The following MED13L variants were observed in gnomAD, a reference collection of about 807,000 sequenced individuals.
The protein encoded by MED13L is mediator of RNA polymerase II transcription subunit 13-like.
In MED13L, 7 loss-of-function variants were observed where a neutral mutation model predicts 220.9. The ratio of observed to expected loss-of-function variants is 0.03; its 90% CI spans 0.02 to 0.06. MED13L has a LOEUF of 0.06. Among genes scored for constraint, MED13L ranks in the 10% least tolerant of loss-of-function variants. MED13L has a pLI of 1.00. For synonymous variants in MED13L, 1,011 were observed against 1,015.2 expected (o/e 1.00, Z 0.08); for missense variants, 1,965 against 2,760.5 (o/e 0.71, Z 6.46).
intron 2 of MED13L, among the ~76,000 whole-genome samples, chr12:116,125,902 A>T (rs924642345): frequency 1.3e-5 from 2 of 152,204 alleles, no homozygotes; most frequent in African/African-American, 4.8e-5. Flanking sequence ...TTTCTGTTAC[A>T]ATTATCTGGC....
chr12:115,991,639 T>C lies in MED13L; in HGVS notation c.3315A>G (p.Glu1105=). The change falls in exon 17 of 31, where the codon GAA becomes GAG. Residue 1105 remains glutamate (E), a synonymous_variant. Transcript: ENST00000281928. The surrounding 1 kb of genome is among the most constrained non-coding windows in gnomAD (Gnocchi z 7.7). ...VEPATMQPIP[E]AHSLYVTLIL... ...TCAGGGTAACATAGAGGCTGTGGGC[T>C]TCGGGAATTGGCTGCATGGTGGCGG... 1.9e-6 allele frequency: 3 copies of C among 1,614,022 alleles called. No homozygotes were observed. The highest frequency in any genetic ancestry group is 1.3e-5 in the African/African-American group (1 of 74,970).
rs568260254 is a variant in MED13L, at chr12:116,174,288, A to G, written c.311-62776T>C. Among the ~76,000 whole-genome samples, 7 of 152,328 alleles carry G rather than the reference A, an allele frequency of 4.6e-5. No individual in the cohort carries two copies. In the South Asian group the frequency reaches 1.4e-3, roughly 32 times the overall value. ...AAGATGCAAGGTTTCTTTTGGATAG[A>G]TAAAATGAACAAATTAAAAGAAATT... On this transcript the variant is annotated intron_variant, in intron 2 of 30. Transcript: ENST00000281928.
intron 4 of MED13L, among the ~76,000 whole-genome samples, chr12:116,086,376 C>T (rs543385116): frequency 5.8e-4 from 88 of 151,732 alleles, no homozygotes; most frequent in African/African-American, 1.8e-3. Context: ...CTCCGCCTCC[C>T]GGGTTCAAGC....
intron 2 of MED13L, among the ~76,000 whole-genome samples, chr12:116,170,821 G>A (rs1000586471): frequency 2.0e-5 from 3 of 151,890 alleles, no homozygotes; most frequent in Admixed American, 6.6e-5. Flanking sequence ...GGATGGTCTC[G>A]AACTCCTGAC....
intron 1 of MED13L, among the ~76,000 whole-genome samples, chr12:116,250,609 CAA>C (rs560814737): frequency 1.9e-4 from 13 of 70,248 alleles, no homozygotes; most frequent in Admixed American, 4.1e-4. Context: ...ACTAAAAATA[CAA>C]AAAAAAAAAA....
chr12:116,237,426 A>T, intron 2 of MED13L, 42 bp downstream of exon 2: 1 of 1,457,002 alleles, frequency 6.9e-7, no homozygotes, highest in South Asian at 1.1e-5. Context: ...GTTCAAAAAA[A>T]TATGATGCAA....
intron 4 of MED13L, among the ~76,000 whole-genome samples, chr12:116,038,463 G>T (rs1240755270): frequency 6.6e-6 from 1 of 151,928 alleles, no homozygotes; most frequent in Non-Finnish European, 1.5e-5. Context: ...GTGTCTCATT[G>T]TACACCTTAA....
At chr12:116,203,534 G>C (rs1218355273) in intron 2 of MED13L, among the ~76,000 whole-genome samples, 3 of 152,050 alleles carry the variant, frequency 2.0e-5, no homozygotes, top group African/African-American at 7.2e-5. Context: ...AAAGACAAGA[G>C]TGAGGCTGGG....
At chr12:116,052,641 G>A (rs1868608857) in intron 4 of MED13L, among the ~76,000 whole-genome samples, 1 of 152,178 alleles carries the variant, frequency 6.6e-6, no homozygotes, top group African/African-American at 2.4e-5. Context: ...CACTAATCAT[G>A]TGTTAAGATT....
chr12:116,155,412 G>C (rs974839985), intron 2 of MED13L, among the ~76,000 whole-genome samples: 1 of 152,140 alleles, frequency 6.6e-6, no homozygotes, highest in Non-Finnish European at 1.5e-5. Context: ...GACAGAGCAA[G>C]ACTCTGTCTC....
At chr12:116,198,630 T>C (rs1446278082) in intron 2 of MED13L, among the ~76,000 whole-genome samples, 2 of 152,226 alleles carry the variant, frequency 1.3e-5, no homozygotes, top group Admixed American at 6.5e-5. Context: ...TATCAGTTAA[T>C]GTTGCCATAA....
chr12:115,966,294 A>C lies in MED13L; in HGVS notation c.6226-51T>G, dbSNP rs1456607842. The C allele has an allele frequency of 3.1e-6, 5 of 1,606,714 alleles. No homozygotes were observed. In the African/African-American group the frequency reaches 6.7e-5, roughly 21 times the overall value. ...TGATCAGCATTTATCTTAAAGCTTG[A>C]AAAATGAACTTTCATCAGTTCACTC... On this transcript the variant is annotated intron_variant, in intron 28 of 30. Coordinates refer to ENST00000281928, the MANE Select transcript of MED13L (RefSeq NM_015335.5).
At chr12:116,004,579 A>G (rs896706532) in intron 13 of MED13L, among the ~76,000 whole-genome samples, 2 of 152,064 alleles carry the variant, frequency 1.3e-5, no homozygotes, top group African/African-American at 4.8e-5. Flanking sequence ...TCCTAGACCT[A>G]TCAGTCTCTA....
intron 2 of MED13L, among the ~76,000 whole-genome samples, chr12:116,155,542 C>T (rs17498550): frequency 0.25 from 37,490 of 152,002 alleles, 4,753 homozygotes; most frequent in South Asian, 0.33. Flanking sequence ...CACAGTTCGG[C>T]CACACAATAG....
At chr12:116,000,318 G>C (rs1019036665) in intron 14 of MED13L, among the ~76,000 whole-genome samples, 1 of 152,126 alleles carries the variant, frequency 6.6e-6, no homozygotes, top group Non-Finnish European at 1.5e-5. Context: ...CCCAGAAAAC[G>C]GCTAAAGCAA....
intron 2 of MED13L, among the ~76,000 whole-genome samples, chr12:116,114,060 T>G (rs2137913562): frequency 6.6e-6 from 1 of 152,294 alleles, no homozygotes; most frequent in Admixed American, 6.5e-5. Context: ...CAGCAAGGTC[T>G]GCCAATTCTC....
intron 2 of MED13L, among the ~76,000 whole-genome samples, chr12:116,213,913 C>T (rs1308258325): frequency 1.3e-5 from 2 of 152,086 alleles, no homozygotes; most frequent in African/African-American, 4.8e-5. Flanking sequence ...CTCATCAGCC[C>T]AGAATTTAAA....
rs1291281026 is a variant in MED13L, at chr12:115,961,310, C to T, written c.6589G>A (p.Val2197Met). 1.2e-6 allele frequency: 2 copies of T among 1,614,148 alleles called. No homozygotes were observed. The highest frequency in any genetic ancestry group is 1.7e-6 in the Non-Finnish European group (2 of 1,180,020). ...GCATTGTACAACTGAGTGAGCACCA[C>T]AAAGTGGACGGGAAGGCAGGAAGTA... ...DRTSCLPVHF[V>M]VLTQLYNAIM... Residue 2197 changes from valine (V) to methionine (M), a missense_variant, in exon 31 of 31, where the codon GTG becomes ATG. Val to Met is a conservative substitution (Grantham distance 21). Around this residue, in one of 10 missense-constraint regions of MED13L, gnomAD observed 145 missense variants for 328.3 expected, o/e 0.44. Transcript: ENST00000281928.
At chr12:116,190,750 C>T (rs1249121687) in intron 2 of MED13L, among the ~76,000 whole-genome samples, 1 of 152,084 alleles carries the variant, frequency 6.6e-6, no homozygotes, top group African/African-American at 2.4e-5. Context: ...TTGACCTTGT[C>T]AATCAAAGTA....
Sources: gnomAD v4.1 joint callset for allele counts (sites outside exome capture counted in the v4.1 genomes callset) on GRCh38, gnomAD v4.1.1 for gene constraint, gnomAD v4.1.1 regional missense constraint, Gnocchi (gnomAD v3.1) non-coding constraint, MANE v1.5 for transcripts, NCBI Gene and HGNC (gene_info 2026-07-23, HGNC 2026-07-21) for gene names.